Variants in CACNA1C observed in about 807,000 individuals in gnomAD.
The protein encoded by CACNA1C is voltage-dependent L-type calcium channel subunit alpha-1C.
CACNA1C carries 30 observed loss-of-function variants against 229.0 expected under a neutral mutation model. The ratio of observed to expected loss-of-function variants is 0.13; its 90% CI spans 0.10 to 0.18. The LOEUF is 0.18. Ranked by LOEUF, CACNA1C falls within the 10% of genes least tolerant of loss-of-function variation. CACNA1C has a pLI of 1.00. For missense variants in CACNA1C, 1,658 were observed against 2,845.0 expected (o/e 0.58, Z 9.49); for synonymous variants, 1,114 against 1,132.5 (o/e 0.98, Z 0.33).
chr12:2,431,705 G>A (rs1296023481), intron 3 of CACNA1C, among the ~76,000 whole-genome samples: 1 of 152,170 alleles, frequency 6.6e-6, no homozygotes, highest in Non-Finnish European at 1.5e-5. Context: ...AGAACTAGGG[G>A]TCAAGGGTTT....
intron 3 of CACNA1C, among the ~76,000 whole-genome samples, chr12:2,364,467 C>G (rs761279484): frequency 5.9e-5 from 9 of 152,106 alleles, no homozygotes; most frequent in Non-Finnish European, 1.0e-4. Flanking sequence ...AGTGCAGAGA[C>G]TTAGGATACA....
chr12:2,505,615 T>C (rs545041684), intron 8 of CACNA1C, among the ~76,000 whole-genome samples: 1 of 152,258 alleles, frequency 6.6e-6, no homozygotes, highest in East Asian at 1.9e-4. Context: ...CAGTGAGCTA[T>C]GATCGTGCCA....
chr12:2,338,805 G>A (rs2096778042), intron 3 of CACNA1C, among the ~76,000 whole-genome samples: 1 of 152,078 alleles, frequency 6.6e-6, no homozygotes, highest in African/African-American at 2.4e-5. Context: ...CTAGGCCCAA[G>A]GAAATGAAGG....
chr12:2,691,413 G>A lies in CACNA1C; in HGVS notation c.*214G>A, dbSNP rs1472590724. 4.3e-6 allele frequency: 2 copies of A among 461,204 alleles called. No homozygotes were observed. Among genetic ancestry groups the A allele is most frequent in the African/African-American group, 2.0e-5 (1 of 49,442 alleles). The allele number at this position is 461,204 out of a possible 1,614,324, so 28.6% of individuals were successfully genotyped here. The stretch of plus-strand genomic sequence containing the variant: ...TGCAGAGGCGGGGAGAGGAGGCGGC[G>A]AGGGTCCCGGGGCGCGAGGAAGGCG... On this transcript the variant is annotated 3_prime_UTR_variant, in exon 47 of 47. Coordinates refer to ENST00000399655, the MANE Select transcript of CACNA1C (RefSeq NM_000719.7).
At chr12:2,220,122 G>A (rs562274390) in intron 3 of CACNA1C, among the ~76,000 whole-genome samples, 1 of 152,318 alleles carries the variant, frequency 6.6e-6, no homozygotes, top group South Asian at 2.1e-4. Flanking sequence ...TTCTCCAACT[G>A]GCAGTGCTGT....
chr12:2,071,208 G>GCCTGCCTT (rs2061228282), intron 1 of CACNA1C, among the ~76,000 whole-genome samples: 2 of 125,494 alleles, frequency 1.6e-5, no homozygotes, highest in Non-Finnish European at 3.3e-5. Context: ...CTGCCTGCCT[G>GCCTGCCTT]CCTTCCTCCT....
At chr12:2,216,743 A>G (rs1248612630) in intron 3 of CACNA1C, among the ~76,000 whole-genome samples, 6 of 152,218 alleles carry the variant, frequency 3.9e-5, no homozygotes, top group African/African-American at 1.4e-4. Flanking sequence ...AAGCACCCCC[A>G]GGTGATTCTA....
intron 1 of CACNA1C, among the ~76,000 whole-genome samples, chr12:1,996,241 T>C (rs1449149756): frequency 6.6e-6 from 1 of 152,142 alleles, no homozygotes; most frequent in Non-Finnish European, 1.5e-5. Context: ...TCTATTACTC[T>C]CCTGTTCATA....
chr12:2,115,172 T>C lies in CACNA1C; in HGVS notation c.50-52T>C. ...TCTGGGGTCCAGAGAGTGTCGGAAG[T>C]GCCCCTGTTTTCTATCTAGTAACTG... On this transcript the variant is annotated intron_variant, in intron 1 of 46. Coordinates refer to ENST00000399655, the MANE Select transcript of CACNA1C (RefSeq NM_000719.7). 6 of 1,333,372 alleles carry C rather than the reference T, an allele frequency of 4.5e-6. No individual in the cohort carries two copies. In the South Asian group the frequency reaches 9.0e-5, roughly 20 times the overall value. 82.6% of individuals were successfully genotyped at this position (1,333,372 alleles called of 1,614,324 possible). A position where few individuals can be genotyped will look rare whatever the true frequency, so the allele number is the denominator to read the frequency against.
chr12:2,119,077 A>G (rs2154144062), intron 2 of CACNA1C, among the ~76,000 whole-genome samples: 2 of 152,300 alleles, frequency 1.3e-5, no homozygotes, highest in Middle Eastern at 3.4e-3. Context: ...GGGAGTGAAC[A>G]CTGGACTTGG....
chr12:2,157,272 T>G (rs551554653), intron 3 of CACNA1C, among the ~76,000 whole-genome samples: 1 of 152,328 alleles, frequency 6.6e-6, no homozygotes, highest in African/African-American at 2.4e-5. Flanking sequence ...ATATATATAA[T>G]TTTATCTGTC....
intron 9 of CACNA1C, among the ~76,000 whole-genome samples, chr12:2,514,686 T>C (rs529442433): frequency 2.0e-5 from 3 of 152,220 alleles, no homozygotes; most frequent in African/African-American, 7.2e-5. Flanking sequence ...CTGACGGTGA[T>C]GAGCATTTCT....
intron 9 of CACNA1C, among the ~76,000 whole-genome samples, chr12:2,521,983 C>T (rs1439048068): frequency 6.6e-6 from 1 of 152,256 alleles, no homozygotes; most frequent in Non-Finnish European, 1.5e-5. Context: ...TCACTCCCTA[C>T]TGCCCTGCCG....
intron 5 of CACNA1C, among the ~76,000 whole-genome samples, chr12:2,472,757 TTC>T (rs2099600159): frequency 6.6e-6 from 1 of 152,212 alleles, no homozygotes; most frequent in Non-Finnish European, 1.5e-5. Context: ...GTCTAGTGAT[TTC>T]TTTTTACCGA....
intron 3 of CACNA1C, among the ~76,000 whole-genome samples, chr12:2,315,682 A>G (rs1172456783): frequency 6.6e-6 from 1 of 152,218 alleles, no homozygotes; most frequent in African/African-American, 2.4e-5. Flanking sequence ...GTAAAAGGGA[A>G]GAAAAAACCC....
intron 1 of CACNA1C, among the ~76,000 whole-genome samples, chr12:2,092,207 C>T (rs1019916219): frequency 1.3e-5 from 2 of 152,148 alleles, no homozygotes; most frequent in African/African-American, 4.8e-5. Flanking sequence ...GCTTTATTGC[C>T]CGCCTCCTTC....
intron 3 of CACNA1C, among the ~76,000 whole-genome samples, chr12:2,120,692 G>GTT (rs1555200311): frequency 6.7e-4 from 101 of 150,660 alleles, no homozygotes; most frequent in African/African-American, 2.4e-3. Flanking sequence ...GTGTGTGTGT[G>GTT]TGTGTTTAGT....
intron 1 of CACNA1C, among the ~76,000 whole-genome samples, chr12:2,044,897 T>A (rs2050797313): frequency 6.6e-6 from 1 of 152,194 alleles, no homozygotes; most frequent in East Asian, 1.9e-4. Flanking sequence ...TGGAAATTAA[T>A]GTGTGGAATT....
intron 3 of CACNA1C, among the ~76,000 whole-genome samples, chr12:2,124,673 G>A (rs968676123): frequency 6.6e-6 from 1 of 152,132 alleles, no homozygotes; most frequent in Non-Finnish European, 1.5e-5. Flanking sequence ...ATAGAGAGGG[G>A]GCAGTGGATT....
Sources: allele counts gnomAD v4.1 joint callset (sites outside exome capture counted in the v4.1 genomes callset), GRCh38; gene constraint gnomAD v4.1.1; transcripts MANE v1.5; gene names NCBI Gene and HGNC (gene_info 2026-07-23, HGNC 2026-07-21).